HINT3: variants seen among roughly 807,000 people sequenced by gnomAD.
HINT3 encodes the protein adenosine 5'-monophosphoramidase HINT3.
A neutral mutation model predicts 19.1 loss-of-function variants in HINT3; 16 were observed. The observed-to-expected ratio is 0.84, with a 90% confidence interval of 0.57 to 1.27. The LOEUF (loss-of-function observed/expected upper bound fraction) is 1.27, where lower values mean the gene tolerates loss of function less well. Ranked by LOEUF, HINT3 falls within the 50% of genes most tolerant of loss-of-function variation. The pLI is 0.00. For synonymous variants in HINT3, 75 were observed against 84.8 expected (o/e 0.88, Z 0.63); for missense variants, 197 against 225.8 (o/e 0.87, Z 0.82).
At chr6:125,977,515 G>A (rs776593639) in intron 4 of HINT3, 129 bp from the exon 5 acceptor site, 1 of 433,144 alleles carries the variant, frequency 2.3e-6, no homozygotes, top group East Asian at 3.5e-5. Context: ...TTTTTTGTAA[G>A]ATATTTTTAG....
chr6:125,962,251 C>CACATATATATATAT (rs1788948396), intron 1 of HINT3, among the ~76,000 whole-genome samples: 5 of 9,916 alleles, frequency 5.0e-4, no homozygotes, highest in South Asian at 7.4e-3. Context: ...TATATATATA[C>CACATATATATATAT]ACACATATAT....
At chr6:125,976,965 C>T (rs1789187785) in intron 4 of HINT3, among the ~76,000 whole-genome samples, 1 of 152,022 alleles carries the variant, frequency 6.6e-6, no homozygotes, top group South Asian at 2.1e-4. Context: ...TACAGAGTTC[C>T]CACGCACCCC....
chr6:125,962,136 G>A (rs896736309), intron 1 of HINT3, among the ~76,000 whole-genome samples: 6 of 99,138 alleles, frequency 6.1e-5, no homozygotes, highest in Admixed American at 2.4e-4. Context: ...GCCAGGAATC[G>A]TGGATGGAAA....
At chr6:125,965,434 A>G (rs972728807) in intron 1 of HINT3, among the ~76,000 whole-genome samples, 2 of 152,178 alleles carry the variant, frequency 1.3e-5, no homozygotes, top group East Asian at 3.8e-4. Flanking sequence ...GGATTGTGGC[A>G]ATTTTCTTGT....
intron 1 of HINT3, among the ~76,000 whole-genome samples, chr6:125,965,773 T>G (rs1379307296): frequency 6.6e-6 from 1 of 152,030 alleles, no homozygotes; most frequent in Non-Finnish European, 1.5e-5. Flanking sequence ...AAAAGGAAAA[T>G]TTTAAACAAT....
intron 2 of HINT3, among the ~76,000 whole-genome samples, chr6:125,968,060 C>T (rs1477008707): frequency 1.3e-5 from 2 of 152,148 alleles, no homozygotes; most frequent in African/African-American, 4.8e-5. Flanking sequence ...AGGTTTATTA[C>T]GTGGGTATAT....
chr6:125,967,445 C>T (rs912707714), intron 2 of HINT3, among the ~76,000 whole-genome samples: 1 of 150,326 alleles, frequency 6.7e-6, no homozygotes, highest in African/African-American at 2.5e-5. Context: ...AATTCTCCTG[C>T]CTCAGCCTTC....
chr6:125,966,735 T>C, intron 1 of HINT3, 152 bp from the exon 2 acceptor site: 1 of 521,004 alleles, frequency 1.9e-6, no homozygotes, highest in Non-Finnish European at 3.4e-6. Context: ...TGTTATGAAC[T>C]TAATGCGTAA....
chr6:125,961,215 A>G (rs977777572), intron 1 of HINT3, among the ~76,000 whole-genome samples: 1 of 152,164 alleles, frequency 6.6e-6, no homozygotes, highest in Non-Finnish European at 1.5e-5. Context: ...ACAATAGCCC[A>G]TTGTCAGTGG....
At chr6:125,960,773 G>A (rs1308834824) in intron 1 of HINT3, among the ~76,000 whole-genome samples, 1 of 151,498 alleles carries the variant, frequency 6.6e-6, no homozygotes, top group Admixed American at 6.6e-5. Flanking sequence ...GAAAGAATAC[G>A]CACATCAGTT....
chr6:125,975,034 GT>G, intron 4 of HINT3, 61 bp downstream of exon 4: 3 of 1,557,348 alleles, frequency 1.9e-6, no homozygotes, highest in South Asian at 2.3e-5. Context: ...TTTCATTGTA[GT>G]TTTTTCTTCT....
rs187611898 is a variant in HINT3 at position 125,969,412 on chromosome 6, T to C, written c.319+2408T>C. 1.4e-3 allele frequency among the ~76,000 whole-genome samples: 214 copies of C among 152,316 alleles called. 1 individual carries two copies. The highest frequency in any genetic ancestry group is 4.6e-3 in the African/African-American group (192 of 41,574). ...ATGCTGTTTTGGTTATATAGACTTA[T>C]AGTATAGTTTGAAGTTGGGTAACGT... is the stretch of plus-strand genomic sequence containing the variant. On this transcript the variant is annotated intron_variant, in intron 2 of 4. Coordinates refer to ENST00000229633, the MANE Select transcript of HINT3 (RefSeq NM_138571.5).
In HINT3 at chr6:125,968,800, C is replaced by T. The variant is rs558962662; in HGVS notation, c.319+1796C>T. On this transcript the variant is annotated intron_variant, in intron 2 of 4. Transcript: ENST00000229633. ...CATTTTTTTCATATTTTTTTGTCCT[C>T]TTGTATGTCTTCTTTTGAGAAGTGT... Among the ~76,000 whole-genome samples the T allele has an allele frequency of 3.3e-5, 5 of 152,004 alleles. No individual in the cohort carries two copies. In the East Asian group the frequency reaches 9.7e-4, roughly 29 times the overall value.
intron 1 of HINT3, among the ~76,000 whole-genome samples, chr6:125,964,091 C>T (rs1406408479): frequency 3.9e-5 from 6 of 152,120 alleles, no homozygotes; most frequent in Non-Finnish European, 8.8e-5. Context: ...TGAGGAGCTT[C>T]CCTGTGATCC....
At chr6:125,967,213 C>T (rs1366288775) in intron 2 of HINT3, among the ~76,000 whole-genome samples, 1 of 151,964 alleles carries the variant, frequency 6.6e-6, no homozygotes, top group South Asian at 2.1e-4. Flanking sequence ...TTTAGGAACT[C>T]ATGGACAATT....
rs1233991741 is a variant in HINT3 at position 125,979,438 on chromosome 6, T to C, written c.*1762T>C. 1 of 152,178 alleles carries C rather than the reference T, an allele frequency of 6.6e-6. No individual in the cohort carries two copies. Among genetic ancestry groups the C allele is most frequent in the Non-Finnish European group, 1.5e-5 (1 of 68,020 alleles). 9.4% of individuals were successfully genotyped at this position (152,178 alleles called of 1,614,324 possible). On this transcript the variant is annotated 3_prime_UTR_variant, in exon 5 of 5. Coordinates refer to ENST00000229633, the MANE Select transcript of HINT3 (RefSeq NM_138571.5). Reference sequence around the variant, plus strand: ...ACTGTGGGAACTTGCAGTGATATAATTGACAACATTATTTAACAATAATAG... The same window carrying C: ...ACTGTGGGAACTTGCAGTGATATAACTGACAACATTATTTAACAATAATAG...
chr6:125,972,196 C>G (rs139464016), intron 2 of HINT3, 63 bp from the exon 3 acceptor site: 25 of 1,044,326 alleles, frequency 2.4e-5, no homozygotes, highest in Non-Finnish European at 3.2e-5. Flanking sequence ...GAGTGAAGAT[C>G]AATGGCAATT....
intron 2 of HINT3, among the ~76,000 whole-genome samples, chr6:125,968,271 T>A (rs1270733173): frequency 6.6e-6 from 1 of 152,220 alleles, no homozygotes; most frequent in East Asian, 1.9e-4. Flanking sequence ...AGTGTTTGGT[T>A]TTCTGTTCCT....
intron 1 of HINT3, among the ~76,000 whole-genome samples, chr6:125,962,486 ATAAC>A (rs1436654090): frequency 6.6e-6 from 1 of 151,878 alleles, no homozygotes; most frequent in Non-Finnish European, 1.5e-5. Context: ...TTTAAAAAGA[ATAAC>A]TACATAACAT....
Sources: allele counts gnomAD v4.1 joint callset (sites outside exome capture counted in the v4.1 genomes callset), GRCh38; gene constraint gnomAD v4.1.1; transcripts MANE v1.5; gene names NCBI Gene and HGNC (gene_info 2026-07-23, HGNC 2026-07-21).